MON2: variants seen among roughly 807,000 people sequenced by gnomAD.
MON2 encodes MON2 regulator of endosome-to-Golgi trafficking, also known as protein MON2 homolog.
A neutral mutation model predicts 208.6 loss-of-function variants in MON2; 84 were observed. The ratio of observed to expected loss-of-function variants is 0.40; its 90% CI spans 0.34 to 0.48. MON2 has a LOEUF of 0.48. MON2 is among the 20% of genes least tolerant of loss of function. MON2 has a pLI of 0.59. For synonymous variants in MON2, 660 were observed against 694.0 expected (o/e 0.95, Z 0.77); for missense variants, 1,611 against 2,015.4 (o/e 0.80, Z 3.84).
At chr12:62,517,230 C>T (rs949625515) in intron 8 of MON2, among the ~76,000 whole-genome samples, 1 of 152,142 alleles carries the variant, frequency 6.6e-6, no homozygotes, top group African/African-American at 2.4e-5. Flanking sequence ...GAAAACAGTT[C>T]CCCTTTTCCT....
At chr12:62,473,274 G>C (rs1229024226) in intron 1 of MON2, among the ~76,000 whole-genome samples, 1 of 151,350 alleles carries the variant, frequency 6.6e-6, no homozygotes, top group Non-Finnish European at 1.5e-5. Flanking sequence ...GAGGAAACTG[G>C]TATAGACAGG....
At chr12:62,499,935 T>C (rs2070742728) in intron 5 of MON2, among the ~76,000 whole-genome samples, 1 of 152,142 alleles carries the variant, frequency 6.6e-6, no homozygotes, top group African/African-American at 2.4e-5. Flanking sequence ...ATTTCCACTT[T>C]GGTATATTGT....
intron 8 of MON2, among the ~76,000 whole-genome samples, chr12:62,518,079 G>A (rs1047870796): frequency 6.6e-6 from 1 of 152,130 alleles, no homozygotes; most frequent in Non-Finnish European, 1.5e-5. Context: ...TGTACTTCCT[G>A]GTTTGCAGAT....
intron 26 of MON2, 119 bp from the exon 27 acceptor site, chr12:62,565,118 G>A: frequency 4.2e-6 from 4 of 949,876 alleles, no homozygotes; most frequent in Non-Finnish European, 6.4e-6. Flanking sequence ...CAGAAAAGAT[G>A]GTATAATACA....
intron 32 of MON2, among the ~76,000 whole-genome samples, chr12:62,583,338 C>CA (rs1419598940): frequency 3.0e-4 from 45 of 149,894 alleles, no homozygotes; most frequent in East Asian, 1.6e-3. Flanking sequence ...GTCTCAAAAA[C>CA]AAAAAAAACA....
intron 25 of MON2, among the ~76,000 whole-genome samples, chr12:62,558,829 T>C (rs2074093978): frequency 6.6e-6 from 1 of 151,966 alleles, no homozygotes; most frequent in South Asian, 2.1e-4. Context: ...TCTGAGTAGC[T>C]GGGATTACAG....
At chr12:62,491,375 G>A (rs1303910485) in intron 2 of MON2, among the ~76,000 whole-genome samples, 6 of 152,124 alleles carry the variant, frequency 3.9e-5, no homozygotes, top group South Asian at 4.1e-4. Context: ...GCATTGTGTC[G>A]TAGTTTAATT....
chr12:62,560,299 T>G, intron 25 of MON2, 192 bp from the exon 26 acceptor site: 1 of 529,710 alleles, frequency 1.9e-6, no homozygotes, highest in Non-Finnish European at 3.2e-6. Flanking sequence ...ATCTGAAAAA[T>G]TTTTTTACTG....
intron 29 of MON2, among the ~76,000 whole-genome samples, chr12:62,570,407 T>TA (rs1346604476): frequency 6.6e-6 from 1 of 152,182 alleles, no homozygotes; most frequent in Non-Finnish European, 1.5e-5. Context: ...AGATAGAACA[T>TA]ACAACTTCAA....
At chr12:62,578,905 C>G (rs1248684678) in intron 31 of MON2, among the ~76,000 whole-genome samples, 3 of 151,970 alleles carry the variant, frequency 2.0e-5, no homozygotes, top group African/African-American at 7.3e-5. Context: ...GTATATACAG[C>G]CTATGGAATT....
intron 22 of MON2, among the ~76,000 whole-genome samples, chr12:62,547,574 C>T (rs1459262646): frequency 6.6e-6 from 1 of 152,100 alleles, no homozygotes; most frequent in Non-Finnish European, 1.5e-5. Flanking sequence ...ATTTCAAATA[C>T]TATACATGGT....
intron 33 of MON2, 101 bp downstream of exon 33, chr12:62,585,602 C>T: frequency 1.1e-6 from 1 of 904,672 alleles, no homozygotes. Context: ...GTGATCTGAA[C>T]TAAGCTGAAG....
chr12:62,541,489 T>C (rs1309661021), intron 19 of MON2, among the ~76,000 whole-genome samples: 1 of 152,150 alleles, frequency 6.6e-6, no homozygotes, highest in Non-Finnish European at 1.5e-5. Flanking sequence ...AAAGCAGCTG[T>C]TGTTCACTGT....
chr12:62,513,292 C>T (rs940165206), intron 8 of MON2, among the ~76,000 whole-genome samples: 1 of 152,130 alleles, frequency 6.6e-6, no homozygotes, highest in Non-Finnish European at 1.5e-5. Flanking sequence ...GTGGCCCCAT[C>T]TTGGCTCACT....
At chr12:62,572,669 CTAACTTCT>C in intron 30 of MON2, among the ~76,000 whole-genome samples, 1 of 152,220 alleles carries the variant, frequency 6.6e-6, no homozygotes, top group Admixed American at 6.5e-5. Context: ...GTGTCTTGAA[CTAACTTCT>C]GGGCTCAAGT....
intron 1 of MON2, chr12:62,470,714 G>C (rs898911764): frequency 1.7e-6 from 2 of 1,172,372 alleles, no homozygotes; most frequent in African/African-American, 1.6e-5. Context: ...CAGATGAGGG[G>C]TATCTAACTG....
intron 19 of MON2, among the ~76,000 whole-genome samples, chr12:62,539,733 A>G (rs1053889706): frequency 6.6e-6 from 1 of 151,482 alleles, no homozygotes; most frequent in Admixed American, 6.6e-5. Context: ...AGTATGTATT[A>G]TGGCTGGGCA....
At position 62,560,738 on chromosome 12, in the gene MON2, A is replaced by G. The variant is rs1444851516; in HGVS notation, c.3657A>G (p.Leu1219=). The G allele has an allele frequency of 2.5e-6, 4 of 1,614,178 alleles. No individual in the cohort carries two copies. The highest frequency in any genetic ancestry group is 1.7e-5 in the Admixed American group (1 of 60,022). ...FVRTDSIGEK[L]GRYSSSEPPI... is the part of the protein sequence containing the mutation. ...GAACAGATTCCATTGGAGAAAAACT[A>G]GGAAGATATAGTAGCTCTGAGCCAC... The change falls in exon 26 of 35, where the codon CTA becomes CTG. Residue 1219 remains leucine, a synonymous_variant. Coordinates refer to ENST00000393630, the MANE Select transcript of MON2 (RefSeq NM_015026.3).
rs1165710765 is a variant in MON2, at chr12:62,599,489, T to G, written c.*6740T>G. 6.6e-6 allele frequency: 1 copy of G among 152,192 alleles called. No homozygotes were observed. Among genetic ancestry groups the G allele is most frequent in the African/African-American group, 2.4e-5 (1 of 41,448 alleles). The allele number at this position is 152,192 out of a possible 1,614,324, so 9.4% of individuals were successfully genotyped here. On this transcript the variant is annotated 3_prime_UTR_variant, in exon 35 of 35. Transcript: ENST00000393630. ...CAGTGTGTACTGCAGTCAGATATAG[T>G]TAAAATAATTTTTCTGATGCGTAAT... is the stretch of plus-strand genomic sequence containing the variant.
Sources: gnomAD v4.1 joint callset for allele counts (sites outside exome capture counted in the v4.1 genomes callset) on GRCh38, gnomAD v4.1.1 for gene constraint, MANE v1.5 for transcripts, NCBI Gene and HGNC (gene_info 2026-07-23, HGNC 2026-07-21) for gene names.